The following GLI2 variants were observed in gnomAD, a reference collection of about 807,000 sequenced individuals.
The protein encoded by GLI2 is transcription activator GLI2.
Under a neutral mutation model 78.9 loss-of-function variants are expected in GLI2, and 22 were observed. That is an observed-to-expected ratio of 0.28 (90% CI 0.20 to 0.40). The LOEUF (loss-of-function observed/expected upper bound fraction) is 0.40, where lower values mean the gene tolerates loss of function less well. Among genes scored for constraint, GLI2 ranks in the 10% least tolerant of loss-of-function variants. GLI2 has a pLI of 1.00. For missense variants in GLI2, 2,097 were observed against 2,213.2 expected (o/e 0.95, Z 1.05); for synonymous variants, 974 against 963.7 (o/e 1.01, Z -0.20).
chr2:120,988,569 G>A lies in GLI2; in HGVS notation c.2604G>A (p.Gln868=). 2 of 1,498,120 alleles carry A rather than the reference G, an allele frequency of 1.3e-6. No homozygotes were observed. The highest frequency in any genetic ancestry group is 4.3e-5 in the Admixed American group (2 of 46,974). 92.8% of individuals were successfully genotyped at this position (1,498,120 alleles called of 1,614,324 possible). The change falls in exon 14 of 14, where the codon CAG becomes CAA. Residue 868 remains glutamine (Q), a synonymous_variant. Transcript: ENST00000361492. ...GGCTGCTCAACCTCACGCCGGCGCA[G>A]CAGTACAGCCTGCGGGCCAAGTACG... ...GSGLLNLTPA[Q]QYSLRAKYAA...
Position 120,988,288 on chromosome 2 carries a change from T to G in GLI2, c.2323T>G (p.Ser775Ala), listed in dbSNP as rs1334283315. The stretch of plus-strand genomic sequence containing the variant: ...GCCGAACCCGCGGCTGTCGGAGCTG[T>G]CCGCGAGCGAGGTGACCATGCTGAG... Reference protein sequence around the residue: ...LLPNPRLSELSASEVTMLSQL... With the variant: ...LLPNPRLSELAASEVTMLSQL... The change falls in exon 14 of 14, where the codon TCC (serine) becomes GCC (alanine). Residue 775 changes from serine to alanine, a missense_variant. By Grantham distance (99) the Ser-to-Ala change is moderately conservative (BLOSUM62 1). Around this residue, in one of 5 missense-constraint regions of GLI2, gnomAD observed 1,290 missense variants for 1,261.7 expected, o/e 1.02. Coordinates refer to ENST00000361492, the MANE Select transcript of GLI2 (RefSeq NM_001374353.1). 2 of 1,566,772 alleles carry G rather than the reference T, an allele frequency of 1.3e-6. No individual in the cohort carries two copies. The highest frequency in any genetic ancestry group is 1.7e-6 in the Non-Finnish European group (2 of 1,161,668).
chr2:120,978,999 T>G (rs1682593590), intron 10 of GLI2, among the ~76,000 whole-genome samples: 1 of 152,164 alleles, frequency 6.6e-6, no homozygotes, highest in Non-Finnish European at 1.5e-5. Flanking sequence ...TTGAGGGTTT[T>G]TTTGTTTGTT....
chr2:120,919,357 C>T (rs1458994227), intron 2 of GLI2, among the ~76,000 whole-genome samples: 1 of 152,254 alleles, frequency 6.6e-6, no homozygotes. Flanking sequence ...AGTAAGAATG[C>T]CTCCACTTCA....
chr2:120,771,309 G>A (rs1683515170), intron 1 of GLI2, among the ~76,000 whole-genome samples: 1 of 152,246 alleles, frequency 6.6e-6, no homozygotes, highest in African/African-American at 2.4e-5. Flanking sequence ...CCCAAGGAAT[G>A]AGAGCTATGC....
At chr2:120,936,305 A>T (rs188908601) in intron 3 of GLI2, among the ~76,000 whole-genome samples, 2 of 152,266 alleles carry the variant, frequency 1.3e-5, no homozygotes, top group Non-Finnish European at 2.9e-5. Flanking sequence ...CACCTGGGAC[A>T]TACCGAGTGG....
intron 2 of GLI2, among the ~76,000 whole-genome samples, chr2:120,893,802 G>A (rs1365723598): frequency 2.0e-5 from 3 of 152,192 alleles, no homozygotes; most frequent in Non-Finnish European, 4.4e-5. Context: ...GAAGCGGATG[G>A]TTTTCTGGGT....
chr2:120,871,342 G>A (rs1170914573), intron 2 of GLI2, among the ~76,000 whole-genome samples: 1 of 152,206 alleles, frequency 6.6e-6, no homozygotes, highest in African/African-American at 2.4e-5. Context: ...CTCCATGAGT[G>A]TTTACTCAGT....
chr2:120,762,875 T>G (rs1464873008), intron 1 of GLI2, among the ~76,000 whole-genome samples: 1 of 152,208 alleles, frequency 6.6e-6, no homozygotes, highest in Non-Finnish European at 1.5e-5. Context: ...AGTGGAGTCC[T>G]GAGCTGAGTG....
chr2:120,741,150 GAC>G (rs1443625889), intron 1 of GLI2, among the ~76,000 whole-genome samples: 1 of 152,268 alleles, frequency 6.6e-6, no homozygotes, highest in African/African-American at 2.4e-5. Flanking sequence ...CCTTCCCTGG[GAC>G]ACAGTTAAGT....
chr2:120,905,873 C>A (rs925967996), intron 2 of GLI2, among the ~76,000 whole-genome samples: 2 of 151,860 alleles, frequency 1.3e-5, no homozygotes, highest in East Asian at 1.9e-4. Flanking sequence ...CACTGCCCCC[C>A]CCCCGCCCCC....
intron 2 of GLI2, among the ~76,000 whole-genome samples, chr2:120,805,035 C>T (rs149601632): frequency 3.9e-5 from 6 of 152,344 alleles, no homozygotes; most frequent in African/African-American, 1.4e-4. Flanking sequence ...CTAAGCGAGA[C>T]AAGGTCTGCA....
intron 10 of GLI2, among the ~76,000 whole-genome samples, chr2:120,980,187 T>A (rs1201845025): frequency 3.3e-5 from 5 of 152,260 alleles, no homozygotes; most frequent in Admixed American, 3.3e-4. Flanking sequence ...GTGAGTCGTA[T>A]GGCAGTTGAG....
intron 1 of GLI2, among the ~76,000 whole-genome samples, chr2:120,773,095 T>C (rs777627128): frequency 1.1e-4 from 16 of 152,260 alleles, no homozygotes; most frequent in Non-Finnish European, 2.2e-4. Flanking sequence ...TTTCACTATT[T>C]TGACAGTATG....
At chr2:120,779,784 C>G (rs1050731028) in intron 1 of GLI2, among the ~76,000 whole-genome samples, 24 of 152,232 alleles carry the variant, frequency 1.6e-4, no homozygotes, top group Admixed American at 6.5e-4. Flanking sequence ...CTGACCCCCT[C>G]AGCCTTGCTC....
At chr2:120,987,035 A>G (rs1196834120) in intron 13 of GLI2, among the ~76,000 whole-genome samples, 1 of 152,218 alleles carries the variant, frequency 6.6e-6, no homozygotes, top group South Asian at 2.1e-4. Flanking sequence ...CTACTGCAGA[A>G]CGAGCCAGGT....
At chr2:120,974,403 G>A (rs985969706) in intron 8 of GLI2, among the ~76,000 whole-genome samples, 2 of 152,152 alleles carry the variant, frequency 1.3e-5, no homozygotes, top group Non-Finnish European at 2.9e-5. Context: ...CCTTTTTGAC[G>A]GGAATTTCAG....
intron 2 of GLI2, among the ~76,000 whole-genome samples, chr2:120,842,251 C>G (rs1686921718): frequency 6.6e-6 from 1 of 152,132 alleles, no homozygotes; most frequent in South Asian, 2.1e-4. Context: ...GATGTATACA[C>G]ATAAATAAAA....
chr2:120,941,746 A>G (rs574314036), intron 3 of GLI2, among the ~76,000 whole-genome samples: 49 of 152,340 alleles, frequency 3.2e-4, no homozygotes, highest in Non-Finnish European at 5.4e-4. Context: ...GGACCCACCC[A>G]TGGCCCTGTG....
At chr2:120,849,690 G>A (rs774255498) in intron 2 of GLI2, among the ~76,000 whole-genome samples, 1 of 152,218 alleles carries the variant, frequency 6.6e-6, no homozygotes, top group Non-Finnish European at 1.5e-5. Flanking sequence ...TTAAATGTGA[G>A]TGGACACCCA....
Sources: allele counts gnomAD v4.1 joint callset (sites outside exome capture counted in the v4.1 genomes callset), GRCh38; gene constraint gnomAD v4.1.1; regional missense constraint gnomAD v4.1.1; transcripts MANE v1.5; gene names NCBI Gene and HGNC (gene_info 2026-07-23, HGNC 2026-07-21).